Variants in GAREM1 observed in about 807,000 individuals in gnomAD.
GAREM1 encodes GRB2 associated regulator of MAPK1 subtype 1, also known as GRB2-associated and regulator of MAPK protein 1.
Under a neutral mutation model 71.3 loss-of-function variants are expected in GAREM1, and 26 were observed. The observed-to-expected ratio is 0.36, with a 90% confidence interval of 0.27 to 0.51. The LOEUF is 0.51. Ranked by LOEUF, GAREM1 falls within the 20% of genes least tolerant of loss-of-function variation. GAREM1 has a pLI of 0.95. For synonymous variants in GAREM1, 440 were observed against 433.2 expected (o/e 1.02, Z -0.20); for missense variants, 1,026 against 1,103.1 (o/e 0.93, Z 0.99).
intron 2 of GAREM1, among the ~76,000 whole-genome samples, chr18:32,382,705 G>A (rs970128661): frequency 6.6e-6 from 1 of 152,086 alleles, no homozygotes; most frequent in Non-Finnish European, 1.5e-5. Flanking sequence ...AGGAGGAAAG[G>A]GAGGCACCTT....
chr18:32,450,036 A>C (rs1420726967), intron 1 of GAREM1, among the ~76,000 whole-genome samples: 1 of 152,222 alleles, frequency 6.6e-6, no homozygotes, highest in African/African-American at 2.4e-5. Context: ...AAAAAGTGCC[A>C]TTAACTACCT....
At chr18:32,389,334 A>C (rs192338688) in intron 2 of GAREM1, among the ~76,000 whole-genome samples, 1 of 152,330 alleles carries the variant, frequency 6.6e-6, no homozygotes, top group Admixed American at 6.5e-5. Flanking sequence ...GATCACAGTC[A>C]TCACCATTAA....
chr18:32,386,781 A>G (rs902012667), intron 2 of GAREM1, among the ~76,000 whole-genome samples: 2 of 152,166 alleles, frequency 1.3e-5, no homozygotes, highest in Non-Finnish European at 2.9e-5. Context: ...GTCTCTTGCT[A>G]GAGTTTTCTT....
chr18:32,445,967 T>C (rs2048782166), intron 1 of GAREM1, among the ~76,000 whole-genome samples: 2 of 152,142 alleles, frequency 1.3e-5, no homozygotes, highest in Non-Finnish European at 1.5e-5. Context: ...TGAGGTAAAA[T>C]GCATGTTGCT....
intron 4 of GAREM1, among the ~76,000 whole-genome samples, chr18:32,276,074 T>C (rs1311515491): frequency 6.6e-6 from 1 of 152,244 alleles, no homozygotes; most frequent in East Asian, 1.9e-4. Context: ...GTATTCACAT[T>C]GCAAATCAGG....
At chr18:32,324,400 C>T (rs1420404097) in intron 2 of GAREM1, among the ~76,000 whole-genome samples, 5 of 152,136 alleles carry the variant, frequency 3.3e-5, no homozygotes, top group Non-Finnish European at 7.3e-5. Context: ...TCCCACACAC[C>T]AGTGGGACCA....
intron 1 of GAREM1, among the ~76,000 whole-genome samples, chr18:32,404,549 T>C (rs942558159): frequency 5.3e-5 from 8 of 152,204 alleles, no homozygotes; most frequent in African/African-American, 1.9e-4. Flanking sequence ...TTAAGGTGTT[T>C]TCTTTTCACA....
chr18:32,368,670 T>C (rs1461985054), intron 2 of GAREM1, among the ~76,000 whole-genome samples: 1 of 152,236 alleles, frequency 6.6e-6, no homozygotes, highest in Admixed American at 6.5e-5. Flanking sequence ...TTAATTTTAA[T>C]GAATGAAATG....
intron 3 of GAREM1, among the ~76,000 whole-genome samples, chr18:32,305,450 A>G (rs1021851535): frequency 2.6e-5 from 4 of 152,160 alleles, no homozygotes; most frequent in Non-Finnish European, 4.4e-5. Flanking sequence ...AAACATATCT[A>G]TCTCATAAGT....
intron 2 of GAREM1, among the ~76,000 whole-genome samples, chr18:32,326,916 C>T (rs777698169): frequency 3.9e-5 from 6 of 152,206 alleles, no homozygotes; most frequent in Non-Finnish European, 5.9e-5. Context: ...GTAAACAGGG[C>T]TGCTTTCTGG....
intron 2 of GAREM1, among the ~76,000 whole-genome samples, chr18:32,355,010 C>T (rs912837774): frequency 1.8e-4 from 27 of 152,002 alleles, no homozygotes; most frequent in African/African-American, 5.8e-4. Context: ...GTACCTATGC[C>T]GAAGAAAAAA....
intron 2 of GAREM1, among the ~76,000 whole-genome samples, chr18:32,381,716 A>G (rs1355575504): frequency 6.6e-6 from 1 of 152,184 alleles, no homozygotes; most frequent in Non-Finnish European, 1.5e-5. Context: ...ATCTTTCTAA[A>G]AAGCAGATTC....
intron 4 of GAREM1, among the ~76,000 whole-genome samples, chr18:32,270,897 G>GTTTTT (rs58914123): frequency 0.012 from 1,141 of 92,574 alleles, 31 homozygotes; most frequent in Middle Eastern, 0.021. Context: ...GTTCAGGGAT[G>GTTTTT]TTTTTTTTTT....
At chr18:32,401,168 C>T (rs554985648) in intron 1 of GAREM1, among the ~76,000 whole-genome samples, 4 of 152,046 alleles carry the variant, frequency 2.6e-5, no homozygotes, top group African/African-American at 7.2e-5. Flanking sequence ...CACACCAGGG[C>T]CTGTCGTGGG....
intron 3 of GAREM1, among the ~76,000 whole-genome samples, chr18:32,291,613 G>C (rs1390125601): frequency 6.6e-6 from 1 of 152,160 alleles, no homozygotes; most frequent in East Asian, 1.9e-4. Context: ...ATTTACATTA[G>C]GTATTTCTCC....
chr18:32,385,726 T>C (rs566382925), intron 2 of GAREM1, among the ~76,000 whole-genome samples: 33 of 152,220 alleles, frequency 2.2e-4, no homozygotes, highest in African/African-American at 7.9e-4. Context: ...CCTAGCACTT[T>C]CCAGGGAATA....
intron 3 of GAREM1, among the ~76,000 whole-genome samples, chr18:32,301,838 A>G (rs1352603441): frequency 1.3e-5 from 2 of 152,196 alleles, no homozygotes; most frequent in South Asian, 4.1e-4. Context: ...TTTTGTTCAT[A>G]TAAGTTGCAA....
At chr18:32,271,906 T>C (rs1234875183) in intron 4 of GAREM1, among the ~76,000 whole-genome samples, 1 of 152,232 alleles carries the variant, frequency 6.6e-6, no homozygotes, top group Non-Finnish European at 1.5e-5. Flanking sequence ...AGTTTATACC[T>C]GGCTCTGCTA....
intron 1 of GAREM1, among the ~76,000 whole-genome samples, chr18:32,445,803 C>T (rs2048780724): frequency 2.6e-5 from 4 of 152,014 alleles, no homozygotes; most frequent in Admixed American, 2.6e-4. Flanking sequence ...CTGATTTGCA[C>T]ATATAATAAT....
Sources: allele counts gnomAD v4.1 joint callset (sites outside exome capture counted in the v4.1 genomes callset), GRCh38; gene constraint gnomAD v4.1.1; transcripts MANE v1.5; gene names NCBI Gene and HGNC (gene_info 2026-07-23, HGNC 2026-07-21).